The following NUP93 variants were observed in gnomAD, a reference collection of about 807,000 sequenced individuals.
NUP93 encodes the protein nucleoporin 93.
A neutral mutation model predicts 107.8 loss-of-function variants in NUP93; 55 were observed. The ratio of observed to expected loss-of-function variants is 0.51; its 90% CI spans 0.41 to 0.64. The LOEUF (loss-of-function observed/expected upper bound fraction) is 0.64. Ranked by LOEUF, NUP93 falls within the 30% of genes least tolerant of loss-of-function variation. The pLI is 0.00. For missense variants in NUP93, 937 were observed against 1,044.7 expected, an observed-to-expected ratio of 0.90 and a Z score of 1.42; for synonymous variants, 390 against 397.5, an observed-to-expected ratio of 0.98 and a Z score of 0.22.
At position 56,821,707 on chromosome 16, in the gene NUP93, A is replaced by G. The variant is rs1270023106; in HGVS notation, c.654+114A>G. 35 of 637,730 alleles carry G rather than the reference A, an allele frequency of 5.5e-5. No individual in the cohort carries two copies. The African/African-American group carries it at 6.2e-4, about 11-fold the overall frequency. 39.5% of individuals were successfully genotyped at this position (637,730 alleles called of 1,614,324 possible). ...GAGACACGCCATTCTGTGGAATGAAATGTTAACTGTTCTTCAGTTTTATTT... is the reference window on the plus strand; with the variant it reads ...GAGACACGCCATTCTGTGGAATGAAGTGTTAACTGTTCTTCAGTTTTATTT... On this transcript the variant is annotated intron_variant, in intron 7 of 21. Transcript: ENST00000308159.
At chr16:56,769,013 G>T (rs1386269955) in intron 3 of NUP93, among the ~76,000 whole-genome samples, 2 of 152,266 alleles carry the variant, frequency 1.3e-5, no homozygotes. Flanking sequence ...CCTCTGAGGT[G>T]GATACTTACT....
chr16:56,748,174 G>T, intron 1 of NUP93, 60 bp from the exon 2 acceptor site: 1 of 1,158,278 alleles, frequency 8.6e-7, no homozygotes, highest in Non-Finnish European at 1.2e-6. Context: ...ACAGATTCAG[G>T]CAGTGTTTGA....
chr16:56,842,521 G>T, intron 21 of NUP93: 1 of 425,660 alleles, frequency 2.3e-6, no homozygotes, highest in East Asian at 7.1e-5. Flanking sequence ...TTTTGACCCA[G>T]TTAAACCATA....
In NUP93 at chr16:56,818,644, G is replaced by GA; in HGVS notation, c.490-18dup. On this transcript the variant is annotated intron_variant, in intron 5 of 21. Transcript: ENST00000308159. The stretch of plus-strand genomic sequence containing the variant: ...CTGAATACTGTCCCTAACTGATTCT[G>GA]AATGTGTATTTATCCACAGCCAAGC... 1 of 1,600,570 alleles carries GA rather than the reference G, an allele frequency of 6.2e-7. No individual in the cohort carries two copies. Among genetic ancestry groups the GA allele is most frequent in the Non-Finnish European group, 8.6e-7 (1 of 1,168,054 alleles).
chr16:56,805,323 C>T (rs1963112063), intron 4 of NUP93, among the ~76,000 whole-genome samples, 181 bp from the exon 5 acceptor site: 1 of 152,216 alleles, frequency 6.6e-6, no homozygotes, highest in Non-Finnish European at 1.5e-5. Context: ...GCTGGGATTA[C>T]AGGTGTAAAC....
chr16:56,758,469 A>G, intron 2 of NUP93, 69 bp from the exon 3 acceptor site: 4 of 1,139,168 alleles, frequency 3.5e-6, no homozygotes, highest in South Asian at 1.2e-5. Flanking sequence ...GATGAAGCAT[A>G]TTAGATGTCC....
chr16:56,798,571 A>G, intron 4 of NUP93, 33 bp downstream of exon 4: 1 of 1,568,612 alleles, frequency 6.4e-7, no homozygotes, highest in Non-Finnish European at 8.8e-7. Flanking sequence ...AGATGTATAC[A>G]GATGAGGGCA....
intron 1 of NUP93, among the ~76,000 whole-genome samples, chr16:56,733,068 G>C (rs1401615118): frequency 6.6e-6 from 1 of 152,156 alleles, no homozygotes; most frequent in Non-Finnish European, 1.5e-5. Context: ...ATAGGGTTGG[G>C]GATGTGTTAT....
At chr16:56,740,845 G>A (rs899478457) in intron 1 of NUP93, 9 of 187,424 alleles carry the variant, frequency 4.8e-5, no homozygotes, top group African/African-American at 9.6e-5. Context: ...CCAACACAGC[G>A]AAACCCCGTC....
At chr16:56,823,684 C>T (rs368410136) in intron 7 of NUP93, 23 bp from the exon 8 acceptor site, 6 of 1,612,346 alleles carry the variant, frequency 3.7e-6, no homozygotes, top group Non-Finnish European at 4.2e-6. Context: ...AGCATTGTCA[C>T]ATGCAGTTTC....
At chr16:56,739,666 C>CG (rs1961680136) in intron 1 of NUP93, among the ~76,000 whole-genome samples, 2 of 122,746 alleles carry the variant, frequency 1.6e-5, no homozygotes, top group Admixed American at 7.6e-5. Context: ...GCTGGCCGGG[C>CG]GGAGGGCTGA....
intron 3 of NUP93, among the ~76,000 whole-genome samples, chr16:56,777,598 C>T (rs1251480342): frequency 2.0e-5 from 3 of 152,216 alleles, no homozygotes; most frequent in Non-Finnish European, 2.9e-5. Flanking sequence ...ATTGCTTCTT[C>T]ATTCTCAGCT....
At chr16:56,783,131 T>G (rs569552132) in intron 3 of NUP93, among the ~76,000 whole-genome samples, 1 of 152,322 alleles carries the variant, frequency 6.6e-6, no homozygotes, top group African/African-American at 2.4e-5. Flanking sequence ...TGTCTTCTCT[T>G]AAAAGCAACA....
At chr16:56,813,185 A>G (rs751910630) in intron 5 of NUP93, among the ~76,000 whole-genome samples, 4 of 152,158 alleles carry the variant, frequency 2.6e-5, no homozygotes, top group Non-Finnish European at 5.9e-5. Context: ...CATAGTCTCT[A>G]ATTTTGATAA....
At chr16:56,826,309 C>G (rs1441013721) in intron 8 of NUP93, among the ~76,000 whole-genome samples, 1 of 152,142 alleles carries the variant, frequency 6.6e-6, no homozygotes, top group Non-Finnish European at 1.5e-5. Context: ...GTCAGGAGTT[C>G]AAGACCAGCC....
At chr16:56,794,046 C>T (rs1157719528) in intron 3 of NUP93, among the ~76,000 whole-genome samples, 1 of 150,314 alleles carries the variant, frequency 6.7e-6, no homozygotes, top group Non-Finnish European at 1.5e-5. Flanking sequence ...CAGAGCGAGA[C>T]TCCATCTCTA....
chr16:56,827,007 CTG>C (rs1373345891), intron 8 of NUP93, among the ~76,000 whole-genome samples: 1 of 128,754 alleles, frequency 7.8e-6, no homozygotes, highest in Non-Finnish European at 1.6e-5. Flanking sequence ...GGTGGCGCCT[CTG>C]TACTCCAACC....
At chr16:56,795,390 C>G (rs184454316) in intron 3 of NUP93, among the ~76,000 whole-genome samples, 196 of 152,252 alleles carry the variant, frequency 1.3e-3, no homozygotes, top group African/African-American at 4.6e-3. Flanking sequence ...CCATTAAAAT[C>G]TGCCATTGTT....
chr16:56,788,042 C>T (rs1038669187), intron 3 of NUP93, among the ~76,000 whole-genome samples: 1 of 152,200 alleles, frequency 6.6e-6, no homozygotes, highest in Non-Finnish European at 1.5e-5. Flanking sequence ...TCTTTTCTTG[C>T]GTCTCCAAAG....
Sources: allele counts gnomAD v4.1 joint callset (sites outside exome capture counted in the v4.1 genomes callset), GRCh38; gene constraint gnomAD v4.1.1; transcripts MANE v1.5; gene names NCBI Gene and HGNC (gene_info 2026-07-23, HGNC 2026-07-21).